The following ITPRID2 variants were observed in gnomAD, a reference collection of about 807,000 sequenced individuals.
ITPRID2 encodes the protein protein ITPRID2.
Under a neutral mutation model 124.3 loss-of-function variants are expected in ITPRID2, and 60 were observed. That is an observed-to-expected ratio of 0.48 (90% CI 0.39 to 0.60). ITPRID2 has a LOEUF of 0.60. Among genes scored for constraint, ITPRID2 ranks in the 20% least tolerant of loss-of-function variants. The probability of loss-of-function intolerance (pLI) is 0.00; values close to 1 mark genes in which losing one functional copy is unlikely to be tolerated. For synonymous variants in ITPRID2, 521 were observed against 542.9 expected (o/e 0.96, Z 0.56); for missense variants, 1,553 against 1,512.2 (o/e 1.03, Z -0.45).
rs1313995080 is a variant in ITPRID2, at chr2:181,913,185, A to C, written c.1487-660A>C. Among the ~76,000 whole-genome samples the C allele has an allele frequency of 2.0e-5, 3 of 152,188 alleles. No individual in the cohort carries two copies. In the East Asian group the frequency reaches 5.8e-4, roughly 29 times the overall value. Reference sequence around the variant, plus strand: ...CAGGTTTACTCCATTCTCCTGCCTCAGCCTCTCGAGTAGCTGGGACTACAG... The same window carrying C: ...CAGGTTTACTCCATTCTCCTGCCTCCGCCTCTCGAGTAGCTGGGACTACAG... On this transcript the variant is annotated intron_variant, in intron 9 of 17. Coordinates refer to ENST00000431877, the MANE Select transcript of ITPRID2 (RefSeq NM_001130445.3).
In ITPRID2 at chr2:181,919,258, G is replaced by A. The variant is rs1376413928; in HGVS notation, c.2994-38G>A. 6.2e-7 allele frequency: 1 copy of A among 1,609,752 alleles called. No homozygotes were observed. The highest frequency in any genetic ancestry group is 2.2e-5 in the East Asian group (1 of 44,818). The stretch of plus-strand genomic sequence containing the variant: ...ATTTGTGATTAGGAATCTCCAAACT[G>A]CATTTTTCCAATTTTGTGCCCTTCA... On this transcript the variant is annotated intron_variant, in intron 13 of 17. Transcript: ENST00000431877. This position sits in a 1 kb window ranked among gnomAD's most constrained non-coding sequence, Gnocchi z 4.2.
At chr2:181,906,885 A>T (rs1174566712) in intron 8 of ITPRID2, among the ~76,000 whole-genome samples, 1 of 152,212 alleles carries the variant, frequency 6.6e-6, no homozygotes, top group African/African-American at 2.4e-5. Context: ...ATATGTTGGT[A>T]TGGTCAGGCA....
rs980773053 is a variant in ITPRID2 at position 181,916,779 on chromosome 2, G to T, written c.2787+352G>T. ...TTATTAAAAAATCTTCCCTCTTAAA[G>T]TTCTTTCTCTCTTTCTCTCTGCTAT... On this transcript the variant is annotated intron_variant, in intron 11 of 17. Coordinates refer to ENST00000431877, the MANE Select transcript of ITPRID2 (RefSeq NM_001130445.3). 1.9e-5 allele frequency: 18 copies of T among 968,806 alleles called. No homozygotes were observed. The African/African-American group carries it at 2.5e-4, about 13-fold the overall frequency. 60.0% of individuals were successfully genotyped at this position (968,806 alleles called of 1,614,324 possible). A position where few individuals can be genotyped will look rare whatever the true frequency, so the allele number is the denominator to read the frequency against.
intron 9 of ITPRID2, 58 bp from the exon 10 acceptor site, chr2:181,913,787 G>A (rs1693814330): frequency 7.9e-7 from 1 of 1,267,526 alleles, no homozygotes; most frequent in Non-Finnish European, 1.1e-6. Flanking sequence ...ATTTCTTATA[G>A]CCACTTTTTT....
At chr2:181,920,019 A>G (rs963215013) in intron 14 of ITPRID2, among the ~76,000 whole-genome samples, 11 of 152,174 alleles carry the variant, frequency 7.2e-5, no homozygotes, top group African/African-American at 2.4e-4. Context: ...CACTTTTCAT[A>G]CTTCTAATGT....
rs772760972 is a variant in ITPRID2, at chr2:181,916,189, A to G, written c.2549A>G (p.His850Arg). ...TCTACCTGTTCCCTTCATTCCATCC[A>G]CTCTGAGTGGCAAGAAAGGCCCCTG... ...SQSTCSLHSI[H>R]SEWQERPLCE... Residue 850 changes from histidine (H) to arginine (R), a missense_variant, in exon 11 of 18, where the codon CAC becomes CGC. Physicochemically the swap from His to Arg is conservative, Grantham distance 29. Coordinates refer to ENST00000431877, the MANE Select transcript of ITPRID2 (RefSeq NM_001130445.3). 1 of 1,613,916 alleles carries G rather than the reference A, an allele frequency of 6.2e-7. No homozygotes were observed. The highest frequency in any genetic ancestry group is 1.1e-5 in the South Asian group (1 of 91,080).
At chr2:181,917,693 C>A (rs1291851226) in intron 11 of ITPRID2, 1 of 152,356 alleles carries the variant, frequency 6.6e-6, no homozygotes, top group Non-Finnish European at 1.5e-5. Flanking sequence ...TCTCTCCAGC[C>A]TCATTCCTTA....
chr2:181,920,584 C>G lies in ITPRID2; in HGVS notation c.3145-13C>G, dbSNP rs754106429. On this transcript the variant is annotated splice_polypyrimidine_tract_variant and intron_variant, in intron 14 of 17. Coordinates refer to ENST00000431877, the MANE Select transcript of ITPRID2 (RefSeq NM_001130445.3). ...CACACATATACATATATATATTGTT[C>G]TTACCTTTTCAGGGAATGTGTGGCA... 1 of 1,605,202 alleles carries G rather than the reference C, an allele frequency of 6.2e-7. No individual in the cohort carries two copies. Among genetic ancestry groups the G allele is most frequent in the Non-Finnish European group, 8.5e-7 (1 of 1,172,852 alleles).
At chr2:181,898,722 C>G in intron 4 of ITPRID2, 158 bp from the exon 5 acceptor site, 1 of 673,144 alleles carries the variant, frequency 1.5e-6, no homozygotes, top group South Asian at 1.9e-5. Context: ...ATCTGTATAT[C>G]ACTTTTAATA....
In ITPRID2 at chr2:181,910,457, A is replaced by G; in HGVS notation, c.1486+486A>G. 1 of 564,886 alleles carries G rather than the reference A, an allele frequency of 1.8e-6. No homozygotes were observed. The highest frequency in any genetic ancestry group is 2.7e-5 in the South Asian group (1 of 37,356). 35.0% of individuals were successfully genotyped at this position (564,886 alleles called of 1,614,324 possible). On this transcript the variant is annotated intron_variant, in intron 9 of 17. Transcript: ENST00000431877. This position sits in a 1 kb window ranked among gnomAD's most constrained non-coding sequence, Gnocchi z 4.1. ...CTATGGGTCGAAGGTGAGTGGTTGT[A>G]GATACTGTTCCTCTCTTAAATTATT...
intron 16 of ITPRID2, among the ~76,000 whole-genome samples, chr2:181,926,562 A>C (rs1216909493): frequency 6.6e-6 from 1 of 151,894 alleles, no homozygotes; most frequent in African/African-American, 2.4e-5. Flanking sequence ...AAATACAAAA[A>C]ATTAGCCGGG....
chr2:181,929,158 A>G (rs1484975698), intron 17 of ITPRID2, among the ~76,000 whole-genome samples: 1 of 151,708 alleles, frequency 6.6e-6, no homozygotes, highest in Non-Finnish European at 1.5e-5. Context: ...CCTAGCCTCA[A>G]GCGATCCTCC....
At chr2:181,893,629 G>C (rs1248826649) in intron 2 of ITPRID2, 1 of 152,112 alleles carries the variant, frequency 6.6e-6, no homozygotes, top group Non-Finnish European at 1.5e-5. Context: ...CCCTTTATTG[G>C]AAGTGTCATA....
At chr2:181,897,019 T>A in intron 4 of ITPRID2, 55 bp downstream of exon 4, 1 of 1,452,040 alleles carries the variant, frequency 6.9e-7, no homozygotes. Context: ...TTAAAAAAAA[T>A]GAGAAAGCTG....
At position 181,919,050 on chromosome 2, in the gene ITPRID2, T is replaced by C. The variant is rs1235250292; in HGVS notation, c.2993+168T>C. On this transcript the variant is annotated intron_variant, in intron 13 of 17. Transcript: ENST00000431877. This position sits in a 1 kb window ranked among gnomAD's most constrained non-coding sequence, Gnocchi z 4.2. ...ATAGATAGTGTTTTACTAAGTAAAC[T>C]TGTATGCCTTCAATATCCTAAGGGT... Among the ~76,000 whole-genome samples, 1 of 152,256 alleles carries C rather than the reference T, an allele frequency of 6.6e-6. No individual in the cohort carries two copies. The highest frequency in any genetic ancestry group is 6.5e-5 in the Admixed American group (1 of 15,290).
chr2:181,895,450 TA>T (rs879294820), intron 2 of ITPRID2, among the ~76,000 whole-genome samples: 2 of 152,034 alleles, frequency 1.3e-5, no homozygotes, highest in Non-Finnish European at 2.9e-5. Context: ...TTTTTTAGCT[TA>T]AAAACAAAGC....
At chr2:181,913,775 T>C (rs1693811856) in intron 9 of ITPRID2, 70 bp from the exon 10 acceptor site, 1 of 1,089,954 alleles carries the variant, frequency 9.2e-7, no homozygotes, top group Non-Finnish European at 1.3e-6. Flanking sequence ...TTGCTCTCAG[T>C]AATTTCTTAT....
chr2:181,922,262 T>G lies in ITPRID2; in HGVS notation c.3525T>G (p.Ser1175=), dbSNP rs756588049. ...SVQTPPDLES[S]EEVDAAEGAP... is the part of the protein sequence containing the mutation. ...AGACACCTCCAGATTTGGAAAGTTC[T>G]GAGGAAGTTGATGCAGCTGAAGGAG... The change falls in exon 16 of 18, where the codon TCT becomes TCG. Residue 1175 remains serine (S), a synonymous_variant. Coordinates refer to ENST00000431877, the MANE Select transcript of ITPRID2 (RefSeq NM_001130445.3). 1 of 1,614,222 alleles carries G rather than the reference T, an allele frequency of 6.2e-7. No homozygotes were observed. Among genetic ancestry groups the G allele is most frequent in the Non-Finnish European group, 8.5e-7 (1 of 1,180,042 alleles).
chr2:181,923,295 A>C (rs1256276794), intron 16 of ITPRID2, among the ~76,000 whole-genome samples: 1 of 152,242 alleles, frequency 6.6e-6, no homozygotes, highest in Non-Finnish European at 1.5e-5. Flanking sequence ...TAAATTGTAC[A>C]TAAGCAAATG....
Sources: gnomAD v4.1 joint callset for allele counts (sites outside exome capture counted in the v4.1 genomes callset) on GRCh38, gnomAD v4.1.1 for gene constraint, Gnocchi (gnomAD v3.1) non-coding constraint, MANE v1.5 for transcripts, NCBI Gene and HGNC (gene_info 2026-07-23, HGNC 2026-07-21) for gene names.